Variants in ZNHIT6 observed in about 807,000 individuals in gnomAD.
ZNHIT6 encodes box C/D snoRNA protein 1.
A neutral mutation model predicts 57.2 loss-of-function variants in ZNHIT6; 45 were observed. The observed-to-expected ratio is 0.79, with a 90% CI of 0.62 to 1.01. The LOEUF (loss-of-function observed/expected upper bound fraction) is 1.01. Among genes scored for constraint, ZNHIT6 ranks in the 50% least tolerant of loss-of-function variants. The pLI is 0.00. For missense variants in ZNHIT6, 528 were observed against 567.3 expected (o/e 0.93, Z 0.70); for synonymous variants, 188 against 190.0 (o/e 0.99, Z 0.09).
intron 8 of ZNHIT6, among the ~76,000 whole-genome samples, chr1:85,675,305 C>G (rs1661672147): frequency 6.6e-6 from 1 of 152,190 alleles, no homozygotes; most frequent in Admixed American, 6.5e-5. Flanking sequence ...ATTCAACTCC[C>G]CTGTGCTTCA....
At chr1:85,666,528 T>G (rs1019168968) in intron 8 of ZNHIT6, among the ~76,000 whole-genome samples, 1 of 152,172 alleles carries the variant, frequency 6.6e-6, no homozygotes, top group Non-Finnish European at 1.5e-5. Context: ...TTTGGATCAC[T>G]TCAAATACAG....
chr1:85,702,888 A>AC (rs1662576645), intron 4 of ZNHIT6, among the ~76,000 whole-genome samples: 1 of 152,222 alleles, frequency 6.6e-6, no homozygotes, highest in Admixed American at 6.5e-5. Flanking sequence ...AGGAAGTAAT[A>AC]CCAGATTTTT....
chr1:85,688,587 A>G (rs1662130734), intron 5 of ZNHIT6, among the ~76,000 whole-genome samples: 1 of 152,202 alleles, frequency 6.6e-6, no homozygotes, highest in African/African-American at 2.4e-5. Context: ...ATCCATAACC[A>G]TACCTTAATG....
chr1:85,681,456 T>C (rs1227552315), intron 5 of ZNHIT6, among the ~76,000 whole-genome samples: 1 of 152,230 alleles, frequency 6.6e-6, no homozygotes, highest in Non-Finnish European at 1.5e-5. Context: ...TTTAGAAAAA[T>C]GACTATATTT....
At position 85,688,669 on chromosome 1, in the gene ZNHIT6, A is replaced by G. The variant is rs1326308774; in HGVS notation, c.1020-7765T>C. Among the ~76,000 whole-genome samples, 10 of 152,302 alleles carry G rather than the reference A, an allele frequency of 6.6e-5. No homozygotes were observed. In the South Asian group the frequency reaches 8.3e-4, roughly 13 times the overall value. ...AAAATCAACATACTTTCCTGGACACAATGGCTCCAGACTGGGCAGATTACG... is the reference window on the plus strand; with the variant it reads ...AAAATCAACATACTTTCCTGGACACGATGGCTCCAGACTGGGCAGATTACG... On this transcript the variant is annotated intron_variant, in intron 5 of 9. Transcript: ENST00000370574.
At chr1:85,705,855 C>T (rs1230188168) in intron 4 of ZNHIT6, among the ~76,000 whole-genome samples, 2 of 152,138 alleles carry the variant, frequency 1.3e-5, no homozygotes, top group Non-Finnish European at 2.9e-5. Context: ...GAACTTAACT[C>T]TATCTGAAAT....
chr1:85,683,937 G>A lies in ZNHIT6; in HGVS notation c.1020-3033C>T, dbSNP rs1175416176. Among the ~76,000 whole-genome samples, 5 of 152,008 alleles carry A rather than the reference G, an allele frequency of 3.3e-5. No homozygotes were observed. In the East Asian group the frequency reaches 9.7e-4, roughly 29 times the overall value. ...TCCACTAGGAACACTCATACACCCA[G>A]TTGTGGCCACCAAAAATGCTCCCAG... On this transcript the variant is annotated intron_variant, in intron 5 of 9. Transcript: ENST00000370574.
intron 8 of ZNHIT6, among the ~76,000 whole-genome samples, chr1:85,663,241 G>C (rs774413311): frequency 5.3e-5 from 8 of 152,134 alleles, no homozygotes; most frequent in Non-Finnish European, 8.8e-5. Context: ...TCCTAGCAAG[G>C]AAATGACATA....
intron 5 of ZNHIT6, among the ~76,000 whole-genome samples, chr1:85,700,768 G>A (rs372979767): frequency 6.6e-6 from 1 of 152,048 alleles, no homozygotes; most frequent in African/African-American, 2.4e-5. Context: ...GTTTCAAAAC[G>A]CACAAAAGAA....
intron 5 of ZNHIT6, among the ~76,000 whole-genome samples, chr1:85,692,512 G>A (rs1442516832): frequency 6.6e-6 from 1 of 152,072 alleles, no homozygotes; most frequent in Non-Finnish European, 1.5e-5. Context: ...AAGCTATTAT[G>A]GCAGAGAAAC....
chr1:85,664,568 A>G (rs1380552427), intron 8 of ZNHIT6, among the ~76,000 whole-genome samples: 1 of 152,100 alleles, frequency 6.6e-6, no homozygotes, highest in Non-Finnish European at 1.5e-5. Context: ...CTCACTTATA[A>G]GTGGGAGCTA....
intron 8 of ZNHIT6, among the ~76,000 whole-genome samples, chr1:85,675,260 T>C (rs1281385208): frequency 2.6e-5 from 4 of 152,204 alleles, no homozygotes; most frequent in African/African-American, 4.8e-5. Flanking sequence ...CAAAGAAGTA[T>C]GCTTAAATGA....
At chr1:85,697,737 A>T (rs1208859751) in intron 5 of ZNHIT6, among the ~76,000 whole-genome samples, 1 of 152,230 alleles carries the variant, frequency 6.6e-6, no homozygotes, top group African/African-American at 2.4e-5. Flanking sequence ...AATAACAACA[A>T]ACAAAATCCC....
chr1:85,698,233 C>T (rs1662432586), intron 5 of ZNHIT6, among the ~76,000 whole-genome samples: 1 of 152,292 alleles, frequency 6.6e-6, no homozygotes, highest in South Asian at 2.1e-4. Flanking sequence ...ACAGACTTCA[C>T]CTCACTTTGA....
At chr1:85,662,546 T>G (rs879332041) in intron 8 of ZNHIT6, among the ~76,000 whole-genome samples, 5 of 152,226 alleles carry the variant, frequency 3.3e-5, no homozygotes, top group Non-Finnish European at 5.9e-5. Context: ...TTAAAAGGTA[T>G]TATTTAAAAT....
chr1:85,667,421 T>C (rs1194110461), intron 8 of ZNHIT6, among the ~76,000 whole-genome samples: 2 of 152,142 alleles, frequency 1.3e-5, no homozygotes, highest in African/African-American at 4.8e-5. Flanking sequence ...CTTCACATTG[T>C]TTTGCTTAAA....
rs753123857 is a variant in ZNHIT6 at position 85,708,292 on chromosome 1, C to T, written c.-8G>A. On this transcript the variant is annotated 5_prime_UTR_variant, in exon 1 of 10. The change creates a new upstream start codon in the 5' untranslated region. Transcript: ENST00000370574. Reference sequence around the variant, plus strand: ...TTCAGCAGCAAACTCCATCAACTCACGATCCTTGGCCTCTGCTGCCACTCT... The same window carrying T: ...TTCAGCAGCAAACTCCATCAACTCATGATCCTTGGCCTCTGCTGCCACTCT... The T allele has an allele frequency of 3.8e-6, 6 of 1,588,302 alleles. No homozygotes were observed. In the South Asian group the frequency reaches 5.6e-5, roughly 15 times the overall value.
rs921684970 is a variant in ZNHIT6, at chr1:85,653,245, T to A, written c.*813A>T. On this transcript the variant is annotated 3_prime_UTR_variant, in exon 10 of 10. Transcript: ENST00000370574. ...TAATAGTATTTATCCAGGCTTCTAG[T>A]ATAAGACATTGTACTAGGAGTTTCT... The A allele has an allele frequency of 6.6e-6, 1 of 152,188 alleles. No homozygotes were observed. 9.4% of individuals were successfully genotyped at this position (152,188 alleles called of 1,614,324 possible). A position where few individuals can be genotyped will look rare whatever the true frequency, so the allele number is the denominator to read the frequency against.
Position 85,652,938 on chromosome 1 carries a change from G to T in ZNHIT6, c.*1120C>A, listed in dbSNP as rs1052291039. 2 of 152,106 alleles carry T rather than the reference G, an allele frequency of 1.3e-5. No individual in the cohort carries two copies. The highest frequency in any genetic ancestry group is 4.1e-4 in the South Asian group (2 of 4,828). 9.4% of individuals were successfully genotyped at this position (152,106 alleles called of 1,614,324 possible). On this transcript the variant is annotated 3_prime_UTR_variant, in exon 10 of 10. Transcript: ENST00000370574. ...TATACAGAGCTGCCATAACGTATAA[G>T]TTAAGCCATGTATATACATTAATAC...
Sources: allele counts gnomAD v4.1 joint callset (sites outside exome capture counted in the v4.1 genomes callset), GRCh38; gene constraint gnomAD v4.1.1; transcripts MANE v1.5; gene names NCBI Gene and HGNC (gene_info 2026-07-23, HGNC 2026-07-21).